The following GAK variants were observed in gnomAD, a reference collection of about 807,000 sequenced individuals.
The protein encoded by GAK is cyclin G associated kinase, also known as cyclin-G-associated kinase.
In GAK, 79 loss-of-function variants were observed where a neutral mutation model predicts 143.9. The ratio of observed to expected loss-of-function variants is 0.55; its 90% confidence interval spans 0.46 to 0.66. The LOEUF (loss-of-function observed/expected upper bound fraction) is 0.66, where lower values mean the gene tolerates loss of function less well. Ranked by LOEUF, GAK falls within the 30% of genes least tolerant of loss-of-function variation. The probability of loss-of-function intolerance (pLI) is 0.00; values close to 1 mark genes in which losing one functional copy is unlikely to be tolerated. For synonymous variants in GAK, 881 were observed against 765.5 expected, an observed-to-expected ratio of 1.15 and a Z score of -2.49; for missense variants, 1,693 against 1,779.7, an observed-to-expected ratio of 0.95 and a Z score of 0.88.
chr4:896,759 G>C (rs935338609), intron 6 of GAK, among the ~76,000 whole-genome samples: 1 of 152,374 alleles, frequency 6.6e-6, no homozygotes, highest in Non-Finnish European at 1.5e-5. Context: ...TTACGATGAG[G>C]ACTGAGTCAT....
chr4:924,176 C>CAAAA (rs71640369), intron 1 of GAK, among the ~76,000 whole-genome samples: 37 of 99,684 alleles, frequency 3.7e-4, no homozygotes, highest in Non-Finnish European at 4.6e-4. Context: ...GACTCCCTCT[C>CAAAA]AAAAAAAAAA....
At chr4:866,895 T>C (rs1751288746) in intron 21 of GAK, 61 bp downstream of exon 21, 7 of 1,244,450 alleles carry the variant, frequency 5.6e-6, no homozygotes, top group Non-Finnish European at 7.8e-6. Context: ...GCAGTGAGAA[T>C]GACTCAGCCT....
intron 1 of GAK, among the ~76,000 whole-genome samples, chr4:919,926 G>A (rs1462520463): frequency 3.3e-5 from 5 of 152,224 alleles, no homozygotes; most frequent in African/African-American, 4.8e-5. Context: ...TGAGGCAGGA[G>A]GATCACCTGA....
intron 1 of GAK, chr4:915,678 T>A (rs1232745099): frequency 6.6e-6 from 1 of 152,214 alleles, no homozygotes; most frequent in Non-Finnish European, 1.5e-5. Flanking sequence ...TCATGAAATT[T>A]AAAACTCTCA....
At chr4:921,638 A>G (rs1260792756) in intron 1 of GAK, among the ~76,000 whole-genome samples, 1 of 152,070 alleles carries the variant, frequency 6.6e-6, no homozygotes, top group Non-Finnish European at 1.5e-5. Flanking sequence ...AAAATAAATC[A>G]GACTTCACAA....
chr4:865,016 T>G, intron 23 of GAK, 106 bp downstream of exon 23: 1 of 1,433,746 alleles, frequency 7.0e-7, no homozygotes, highest in Middle Eastern at 1.8e-4. Flanking sequence ...AGCCCTTCCT[T>G]CCTTCTCTGC....
chr4:866,883 A>G (rs939362617), intron 21 of GAK, 73 bp downstream of exon 21: 5 of 1,144,736 alleles, frequency 4.4e-6, no homozygotes, highest in Admixed American at 2.5e-5. Flanking sequence ...AAACACGCCC[A>G]TGCAGTGAGA....
chr4:913,828 C>T (rs1722457672), intron 1 of GAK, 160 bp from the exon 2 acceptor site: 2 of 610,934 alleles, frequency 3.3e-6, no homozygotes, highest in African/African-American at 1.9e-5. Flanking sequence ...CCCGCAAACA[C>T]AGCCCCAGCA....
intron 1 of GAK, among the ~76,000 whole-genome samples, chr4:921,006 G>A (rs758559241): frequency 1.3e-5 from 2 of 152,228 alleles, no homozygotes; most frequent in Non-Finnish European, 2.9e-5. Context: ...ATTAATCAAG[G>A]CTATGTGGTA....
Position 883,398 on chromosome 4 carries a change from A to G in GAK, c.1321T>C (p.Phe441Leu). The change falls in exon 13 of 28, where the codon TTC becomes CTC. Residue 441 changes from phenylalanine (F) to leucine (L), a missense_variant. Around this residue, in one of 2 missense-constraint regions of GAK, gnomAD observed 871 missense variants for 991.0 expected, o/e 0.88. Coordinates refer to ENST00000314167, the MANE Select transcript of GAK (RefSeq NM_005255.4). The stretch of plus-strand genomic sequence containing the variant: ...TGCCCTGGGTGCTTGGAGTCCAGGA[A>G]CAACCGCACATCTTCGATGTTGTTT... ...LKNNIEDVRL[F>L]LDSKHPGHYA... is the part of the protein sequence containing the mutation. 1 of 1,613,790 alleles carries G rather than the reference A, an allele frequency of 6.2e-7. No individual in the cohort carries two copies. Among genetic ancestry groups the G allele is most frequent in the Non-Finnish European group, 8.5e-7 (1 of 1,179,994 alleles).
At chr4:913,081 T>C (rs753946490) in intron 2 of GAK, among the ~76,000 whole-genome samples, 5 of 151,778 alleles carry the variant, frequency 3.3e-5, no homozygotes, top group Non-Finnish European at 5.9e-5. Flanking sequence ...GCGGCAATGC[T>C]CTGCAGACAC....
At chr4:849,833 G>GGCCCCCCCCCCCCCCCCC in intron 27 of GAK, 59 bp from the exon 28 acceptor site, 1 of 1,190,152 alleles carries the variant, frequency 8.4e-7, no homozygotes, top group Non-Finnish European at 1.2e-6. Context: ...GGCGGGGCAG[G>GGCCCCCCCCCCCCCCCCC]ACCCCCCCCC....
chr4:912,604 C>G (rs968606690), intron 3 of GAK, 131 bp downstream of exon 3: 20 of 679,602 alleles, frequency 2.9e-5, no homozygotes, highest in Non-Finnish European at 4.4e-5. Flanking sequence ...TTGGTAAAAG[C>G]AAAAAGCCGA....
chr4:871,218 G>A (rs1055028300), intron 18 of GAK, among the ~76,000 whole-genome samples: 6 of 152,220 alleles, frequency 3.9e-5, no homozygotes, highest in Non-Finnish European at 8.8e-5. Context: ...GGGCGGGGCC[G>A]CCATGTTTCC....
intron 13 of GAK, 130 bp from the exon 14 acceptor site, chr4:882,949 C>T (rs928919604): frequency 1.4e-5 from 17 of 1,184,712 alleles, no homozygotes; most frequent in African/African-American, 3.0e-5. Context: ...CGTCCACCTG[C>T]GCGAGACCTG....
intron 4 of GAK, among the ~76,000 whole-genome samples, chr4:910,552 C>G (rs1257204854): frequency 1.3e-5 from 2 of 152,116 alleles, no homozygotes; most frequent in Non-Finnish European, 2.9e-5. Context: ...AACCTGCTGC[C>G]CCACCCCTAC....
At chr4:888,582 T>G in intron 11 of GAK, 1 of 470,064 alleles carries the variant, frequency 2.1e-6, no homozygotes. Flanking sequence ...AGGGGCGACA[T>G]TGCAGCAAGG....
Position 902,326 on chromosome 4 carries a change from C to G in GAK, c.525+2311G>C, listed in dbSNP as rs577175201. Reference sequence around the variant, plus strand: ...GATAAGGCTTTAAAACTTTGGCAGCCTGGGAGCGGTGGCTCACACCTGGAA... The same window carrying G: ...GATAAGGCTTTAAAACTTTGGCAGCGTGGGAGCGGTGGCTCACACCTGGAA... On this transcript the variant is annotated intron_variant, in intron 5 of 27. Transcript: ENST00000314167. 2.1e-4 allele frequency among the ~76,000 whole-genome samples: 32 copies of G among 151,974 alleles called. 1 individual carries two copies. The South Asian group carries it at 6.0e-3, about 29-fold the overall frequency.
chr4:904,264 CCG>C (rs1720633257), intron 5 of GAK, among the ~76,000 whole-genome samples: 1 of 131,494 alleles, frequency 7.6e-6, no homozygotes, highest in Non-Finnish European at 1.6e-5. Context: ...CGAGCGGGAC[CCG>C]CACACAGAGG....
Sources: allele counts gnomAD v4.1 joint callset (sites outside exome capture counted in the v4.1 genomes callset), GRCh38; gene constraint gnomAD v4.1.1; regional missense constraint gnomAD v4.1.1; transcripts MANE v1.5; gene names NCBI Gene and HGNC (gene_info 2026-07-23, HGNC 2026-07-21).